DZIP3: variants seen among roughly 807,000 people sequenced by gnomAD.
DZIP3 encodes the protein E3 ubiquitin-protein ligase DZIP3.
In DZIP3, 118 loss-of-function variants were observed where a neutral mutation model predicts 162.0. That is an observed-to-expected ratio of 0.73 (90% CI 0.63 to 0.85). The LOEUF is 0.85. Ranked by LOEUF, DZIP3 falls within the 40% of genes least tolerant of loss-of-function variation. DZIP3 has a pLI of 0.00. For synonymous variants in DZIP3, 438 were observed against 458.6 expected (o/e 0.96, Z 0.57); for missense variants, 1,331 against 1,407.0 (o/e 0.95, Z 0.86).
chr3:108,684,144 T>A (rs548217425), intron 26 of DZIP3, 72 bp from the exon 27 acceptor site: 1 of 1,502,868 alleles, frequency 6.7e-7, no homozygotes, highest in East Asian at 2.3e-5. Flanking sequence ...TGAATTTAGA[T>A]GATTGCCTAA....
intron 8 of DZIP3, among the ~76,000 whole-genome samples, chr3:108,631,049 A>ACCCTCTCTCTCTCTCT (rs1454927812): frequency 1.8e-5 from 1 of 55,564 alleles, no homozygotes; most frequent in Non-Finnish European, 3.3e-5. Context: ...ACACACACAC[A>ACCCTCTCTCTCTCTCT]CACACACTCT....
intron 1 of DZIP3, among the ~76,000 whole-genome samples, chr3:108,598,582 A>G (rs1224831209): frequency 6.6e-6 from 1 of 152,120 alleles, no homozygotes. Context: ...ATTTTCTTAC[A>G]TGGGGTGGAG....
At chr3:108,592,701 G>C (rs1939495218) in intron 1 of DZIP3, among the ~76,000 whole-genome samples, 1 of 121,810 alleles carries the variant, frequency 8.2e-6, no homozygotes, top group African/African-American at 3.4e-5. Flanking sequence ...GGGAGACCCT[G>C]TCTCAAAAAA....
Position 108,686,512 on chromosome 3 carries a change from G to A in DZIP3, c.3077G>A (p.Arg1026Gln), listed in dbSNP as rs760345508. 8.7e-6 allele frequency: 14 copies of A among 1,612,502 alleles called. No homozygotes were observed. The highest frequency in any genetic ancestry group is 3.4e-5 in the Admixed American group (2 of 59,502). The change falls in exon 28 of 33, where the codon CGG (arginine) becomes CAG (glutamine). Residue 1026 changes from arginine (R) to glutamine (Q), a missense_variant. Physicochemically the swap from Arg to Gln is conservative, Grantham distance 43 (BLOSUM62 1). This residue lies in a region of DZIP3 where 1,278 missense variants were observed against 1,317.1 expected (regional missense o/e 0.97). Coordinates refer to ENST00000361582, the MANE Select transcript of DZIP3 (RefSeq NM_014648.4). ...GCTGTGCCTCCCAGTGCAGGTCTGC[G>A]GAGTGATCCCTCCATCATGAATTGG... ...GDAVPPSAGL[R>Q]SDPSIMNWER...
chr3:108,669,384 T>C (rs1943830680), intron 21 of DZIP3, among the ~76,000 whole-genome samples: 1 of 151,890 alleles, frequency 6.6e-6, no homozygotes, highest in Non-Finnish European at 1.5e-5. Context: ...CATGAAGAGC[T>C]AGAGACATTT....
intron 12 of DZIP3, among the ~76,000 whole-genome samples, chr3:108,638,691 A>G (rs963046803): frequency 6.6e-6 from 1 of 152,182 alleles, no homozygotes; most frequent in Non-Finnish European, 1.5e-5. Context: ...AAATGAGGAT[A>G]TCATTATTTC....
At chr3:108,592,814 C>A (rs531731646) in intron 1 of DZIP3, among the ~76,000 whole-genome samples, 1 of 151,596 alleles carries the variant, frequency 6.6e-6, no homozygotes, top group Admixed American at 6.6e-5. Flanking sequence ...TTTATCATTA[C>A]GTTTATTCTA....
intron 19 of DZIP3, among the ~76,000 whole-genome samples, chr3:108,655,746 A>C (rs980417342): frequency 2.0e-5 from 3 of 152,134 alleles, no homozygotes; most frequent in African/African-American, 7.2e-5. Context: ...TCCCTTTCCT[A>C]GCCAAGGAAA....
rs1944809325 is a variant in DZIP3, at chr3:108,694,756, T to C, written c.*1403T>C. 6.6e-6 allele frequency: 1 copy of C among 152,208 alleles called. No homozygotes were observed. Among genetic ancestry groups the C allele is most frequent in the African/African-American group, 2.4e-5 (1 of 41,438 alleles). 9.4% of individuals were successfully genotyped at this position (152,208 alleles called of 1,614,324 possible). A position where few individuals can be genotyped will look rare whatever the true frequency, so the allele number is the denominator to read the frequency against. On this transcript the variant is annotated 3_prime_UTR_variant, in exon 33 of 33. Coordinates refer to ENST00000361582, the MANE Select transcript of DZIP3 (RefSeq NM_014648.4). ...AAGGTCATGGTCATATAGCTAGTTATCTTGTAAAACCAATGTTTCTTAGTT... is the reference window on the plus strand; with the variant it reads ...AAGGTCATGGTCATATAGCTAGTTACCTTGTAAAACCAATGTTTCTTAGTT...
At chr3:108,616,994 T>TA (rs1483217566) in intron 5 of DZIP3, among the ~76,000 whole-genome samples, 2 of 151,870 alleles carry the variant, frequency 1.3e-5, no homozygotes, top group African/African-American at 2.4e-5. Context: ...ATCATAAAGT[T>TA]AAAAAAAATA....
rs1440413482 is a variant in DZIP3, at chr3:108,644,654, A to T, written c.1632A>T (p.Gln544His). 1 of 1,613,954 alleles carries T rather than the reference A, an allele frequency of 6.2e-7. No individual in the cohort carries two copies. Among genetic ancestry groups the T allele is most frequent in the Non-Finnish European group, 8.5e-7 (1 of 1,179,970 alleles). ...SDILLRLGMM[Q>H]EDIDKVKENP... ...TTCTTCTGCGCCTTGGGATGATGCA[A>T]GAGGATATTGACAAAGTGAAGGAGA... The change falls in exon 14 of 33, where the codon CAA becomes CAT. Residue 544 changes from glutamine (Q) to histidine (H), a missense_variant. Gln to His is a conservative substitution (Grantham distance 24). Transcript: ENST00000361582.
intron 23 of DZIP3, 76 bp downstream of exon 23, chr3:108,672,732 G>T: frequency 8.9e-7 from 1 of 1,118,936 alleles, no homozygotes; most frequent in Non-Finnish European, 1.3e-6. Flanking sequence ...TAAAGAATTT[G>T]TAAAAGATTG....
intron 4 of DZIP3, among the ~76,000 whole-genome samples, chr3:108,615,288 A>T (rs1260724901): frequency 6.6e-6 from 1 of 152,194 alleles, no homozygotes; most frequent in African/African-American, 2.4e-5. Flanking sequence ...TGGGAGACTG[A>T]TTTGAAACCA....
At chr3:108,681,682 A>C (rs1456493835) in intron 26 of DZIP3, among the ~76,000 whole-genome samples, 1 of 152,082 alleles carries the variant, frequency 6.6e-6, no homozygotes, top group Non-Finnish European at 1.5e-5. Flanking sequence ...AACCAACCCA[A>C]ATGCCCATCA....
chr3:108,651,118 T>A lies in DZIP3; in HGVS notation c.2008-19T>A. On this transcript the variant is annotated intron_variant, in intron 17 of 32. Coordinates refer to ENST00000361582, the MANE Select transcript of DZIP3 (RefSeq NM_014648.4). ...TGATATAGTTGATATAGATTACTAA[T>A]TCTTATGTTATTTTTCAGAATAAAG... The A allele has an allele frequency of 1.4e-6, 1 of 699,282 alleles. No homozygotes were observed. Among genetic ancestry groups the A allele is most frequent in the East Asian group, 8.3e-5 (1 of 12,082 alleles). 43.3% of individuals were successfully genotyped at this position (699,282 alleles called of 1,614,324 possible).
chr3:108,627,274 T>G (rs1941630266), intron 7 of DZIP3, among the ~76,000 whole-genome samples: 1 of 152,242 alleles, frequency 6.6e-6, no homozygotes, highest in African/African-American at 2.4e-5. Flanking sequence ...GAATTCATTT[T>G]CCAGATCATT....
chr3:108,689,980 T>C (rs1435227463), intron 31 of DZIP3, among the ~76,000 whole-genome samples: 2 of 152,212 alleles, frequency 1.3e-5, no homozygotes, highest in African/African-American at 4.8e-5. Context: ...TGCTCTAATA[T>C]GAAGATACAT....
intron 4 of DZIP3, among the ~76,000 whole-genome samples, chr3:108,614,226 A>G (rs1262859610): frequency 6.6e-6 from 1 of 152,214 alleles, no homozygotes; most frequent in African/African-American, 2.4e-5. Context: ...AATGCGTAAT[A>G]AGTATGTCCA....
chr3:108,660,891 T>C (rs1943394691), intron 19 of DZIP3, among the ~76,000 whole-genome samples: 1 of 152,136 alleles, frequency 6.6e-6, no homozygotes, highest in Admixed American at 6.5e-5. Context: ...AAAATACTCA[T>C]CATCACTGGC....
Sources: allele counts gnomAD v4.1 joint callset (sites outside exome capture counted in the v4.1 genomes callset), GRCh38; gene constraint gnomAD v4.1.1; regional missense constraint gnomAD v4.1.1; transcripts MANE v1.5; gene names NCBI Gene and HGNC (gene_info 2026-07-23, HGNC 2026-07-21).